FAM117A: variants seen among roughly 807,000 people sequenced by gnomAD.
FAM117A encodes protein FAM117A.
Under a neutral mutation model 44.1 loss-of-function variants are expected in FAM117A, and 21 were observed. That is an observed-to-expected ratio of 0.48 (90% CI 0.34 to 0.69). The LOEUF (loss-of-function observed/expected upper bound fraction) is 0.69, where lower values mean the gene tolerates loss of function less well. Ranked by LOEUF, FAM117A falls within the 30% of genes least tolerant of loss-of-function variation. The pLI, the probability that FAM117A is intolerant of heterozygous loss-of-function variation, is 0.01. For synonymous variants in FAM117A, 220 were observed against 238.3 expected (o/e 0.92, Z 0.71); for missense variants, 498 against 589.9 (o/e 0.84, Z 1.61).
Position 49,763,919 on chromosome 17 carries a change from G to T in FAM117A, c.169C>A (p.Gln57Lys), listed in dbSNP as rs1435631311. ...GCACGGCCACCCCCGTCCCGGCGCT[G>T]GTGCGGCTGCTGCAGCTGGAAGGGG... ...TIPFQLQQPH[Q>K]RRDGGGRAAS... Residue 57 changes from glutamine (Q) to lysine (K), a missense_variant, in exon 1 of 8, where the codon CAG becomes AAG. Transcript: ENST00000240364. The T allele has an allele frequency of 8.1e-7, 1 of 1,235,024 alleles. No individual in the cohort carries two copies. Among genetic ancestry groups the T allele is most frequent in the Non-Finnish European group, 1.0e-6 (1 of 991,000 alleles). The allele number at this position is 1,235,024 out of a possible 1,614,324, so 76.5% of individuals were successfully genotyped here.
chr17:49,720,315 A>G lies in FAM117A; in HGVS notation c.573+11T>C. On this transcript the variant is annotated intron_variant, in intron 4 of 7. Transcript: ENST00000240364. The stretch of plus-strand genomic sequence containing the variant: ...AGAACAGAGGGGAGAGGGCTGGGGG[A>G]GAAAACATACCCTCAGTGCTCCCCG... 6.2e-7 allele frequency: 1 copy of G among 1,604,556 alleles called. No homozygotes were observed. Among genetic ancestry groups the G allele is most frequent in the Non-Finnish European group, 8.5e-7 (1 of 1,172,124 alleles).
At chr17:49,776,673 G>C (rs1255897862) in intron 1 of FAM117A, among the ~76,000 whole-genome samples, 1 of 152,190 alleles carries the variant, frequency 6.6e-6, no homozygotes, top group Non-Finnish European at 1.5e-5. Context: ...GATGGGGAAA[G>C]CTGGGGGGTT....
chr17:49,762,094 A>T (rs955209497), intron 1 of FAM117A, among the ~76,000 whole-genome samples: 2 of 152,204 alleles, frequency 1.3e-5, no homozygotes, highest in Non-Finnish European at 2.9e-5. Flanking sequence ...GAACCCAGAC[A>T]TCCAAACCTA....
intron 2 of FAM117A, among the ~76,000 whole-genome samples, chr17:49,730,592 C>CA (rs201438205): frequency 0.021 from 3,135 of 152,282 alleles, 52 homozygotes; most frequent in Middle Eastern, 0.11. Flanking sequence ...CTTACACACT[C>CA]AAAGGAATCT....
At chr17:49,749,467 C>CT (rs1288360630) in intron 1 of FAM117A, among the ~76,000 whole-genome samples, 2,084 of 127,602 alleles carry the variant, frequency 0.016, 19 homozygotes, top group Middle Eastern at 0.04. Context: ...GTCCCAGCTA[C>CT]TCGAGAGGCT....
intron 1 of FAM117A, among the ~76,000 whole-genome samples, chr17:49,769,660 G>A (rs759142706): frequency 3.6e-4 from 54 of 151,950 alleles, no homozygotes; most frequent in Non-Finnish European, 3.1e-4. Flanking sequence ...AGCTGAGATC[G>A]CGCCACTGCA....
At chr17:49,731,122 A>T (rs2073582822) in intron 2 of FAM117A, among the ~76,000 whole-genome samples, 1 of 152,266 alleles carries the variant, frequency 6.6e-6, no homozygotes, top group South Asian at 2.1e-4. Context: ...TAAAGGAAAG[A>T]AACTGACATG....
At chr17:49,753,877 T>G (rs1233401963) in intron 1 of FAM117A, among the ~76,000 whole-genome samples, 1 of 152,222 alleles carries the variant, frequency 6.6e-6, no homozygotes, top group Non-Finnish European at 1.5e-5. Flanking sequence ...CTCTTAGAGT[T>G]GAGATTCAGA....
intron 2 of FAM117A, among the ~76,000 whole-genome samples, chr17:49,724,848 GAAAA>G (rs1567827766): frequency 6.9e-6 from 1 of 145,620 alleles, no homozygotes; most frequent in Non-Finnish European, 1.5e-5. Flanking sequence ...AAGAAAGAAA[GAAAA>G]AAGAAAAAAA....
At chr17:49,776,902 G>C (rs2073776916) in intron 1 of FAM117A, among the ~76,000 whole-genome samples, 1 of 152,204 alleles carries the variant, frequency 6.6e-6, no homozygotes, top group Admixed American at 6.5e-5. Context: ...ATCCATGCAG[G>C]ACCAGAAGCG....
rs968127394 is a variant in FAM117A at position 49,717,612 on chromosome 17, G to A, written c.811C>T (p.Pro271Ser). ...LLEPGNLASS[P>S]SMSLASPQPC... ...TGGGGAGATGCCAAGGACATGGAAG[G>A]AGAGCTGGCAAGGTTGCCAGGCTCC... Residue 271 changes from proline (P) to serine (S), a missense_variant, in exon 6 of 8, where the codon CCT (proline) becomes TCT (serine). Around this residue, in one of 3 missense-constraint regions of FAM117A, gnomAD observed 224 missense variants for 296.5 expected, o/e 0.76. Coordinates refer to ENST00000240364, the MANE Select transcript of FAM117A (RefSeq NM_030802.4). 6.2e-7 allele frequency: 1 copy of A among 1,614,202 alleles called. No homozygotes were observed. Among genetic ancestry groups the A allele is most frequent in the South Asian group, 1.1e-5 (1 of 91,082 alleles).
intron 1 of FAM117A, among the ~76,000 whole-genome samples, chr17:49,786,440 C>A (rs1208319631): frequency 6.6e-6 from 1 of 152,130 alleles, no homozygotes; most frequent in African/African-American, 2.4e-5. Flanking sequence ...TACTGAGTAG[C>A]AAGCATTTAC....
At chr17:49,736,251 GCTCT>G (rs1054075623) in intron 1 of FAM117A, among the ~76,000 whole-genome samples, 15 of 151,520 alleles carry the variant, frequency 9.9e-5, no homozygotes, top group African/African-American at 2.2e-4. Context: ...CTCTTCAAAG[GCTCT>G]CTTTCTTTTT....
intron 1 of FAM117A, among the ~76,000 whole-genome samples, chr17:49,744,760 T>A (rs2073648047): frequency 6.6e-6 from 1 of 151,486 alleles, no homozygotes; most frequent in Non-Finnish European, 1.5e-5. Context: ...ACACCTGTCA[T>A]CCCAGCACTT....
At chr17:49,740,940 T>A (rs1004589990) in intron 1 of FAM117A, among the ~76,000 whole-genome samples, 1 of 152,038 alleles carries the variant, frequency 6.6e-6, no homozygotes, top group African/African-American at 2.4e-5. Context: ...AGATAGACTG[T>A]GGGGTAGAGG....
chr17:49,772,900 G>A (rs528722878), intron 1 of FAM117A, among the ~76,000 whole-genome samples: 8 of 152,244 alleles, frequency 5.3e-5, no homozygotes, highest in Non-Finnish European at 1.0e-4. Flanking sequence ...GGCCAGGCGC[G>A]GTGGCTCATG....
At position 49,764,008 on chromosome 17, in the gene FAM117A, C is replaced by CTCT; in HGVS notation, c.79_80insAGA (p.Gly27delinsGluSer). 1 of 1,210,196 alleles carries CTCT rather than the reference C, an allele frequency of 8.3e-7. No individual in the cohort carries two copies. Among genetic ancestry groups the CTCT allele is most frequent in the Non-Finnish European group, 1.0e-6 (1 of 970,740 alleles). 75.0% of individuals were successfully genotyped at this position (1,210,196 alleles called of 1,614,324 possible). ...GCCGGCGGGGGCTGGGGGAGAGCAG[C>CTCT]CCCGCCGGAGCCCCCCGGCCCCTCC... On this transcript the variant is annotated protein_altering_variant, in exon 1 of 8. Coordinates refer to ENST00000240364, the MANE Select transcript of FAM117A (RefSeq NM_030802.4).
At chr17:49,750,512 C>T (rs567674421) in intron 1 of FAM117A, among the ~76,000 whole-genome samples, 6 of 152,002 alleles carry the variant, frequency 3.9e-5, no homozygotes, top group African/African-American at 1.2e-4. Flanking sequence ...TGGTGGCTCA[C>T]GCCTGTAATC....
upstream of FAM117A, among the ~76,000 whole-genome samples, chr17:49,764,638 C>G (rs2073739429): frequency 6.6e-6 from 1 of 152,172 alleles, no homozygotes; most frequent in Non-Finnish European, 1.5e-5. Context: ...TTTAATTTAA[C>G]CTAAAAAACA....
Sources: allele counts gnomAD v4.1 joint callset (sites outside exome capture counted in the v4.1 genomes callset), GRCh38; gene constraint gnomAD v4.1.1; regional missense constraint gnomAD v4.1.1; transcripts MANE v1.5; gene names NCBI Gene and HGNC (gene_info 2026-07-23, HGNC 2026-07-21).